The following AFF4 variants were observed in gnomAD, a reference collection of about 807,000 sequenced individuals.
AFF4 encodes the protein ALF transcription elongation factor 4, also known as AF4/FMR2 family member 4.
In AFF4, 13 loss-of-function variants were observed where a neutral mutation model predicts 124.8. That is an observed-to-expected ratio of 0.10 (90% CI 0.07 to 0.17). The LOEUF (loss-of-function observed/expected upper bound fraction) is 0.17. AFF4 is among the 10% of genes least tolerant of loss of function. The pLI is 1.00. For synonymous variants in AFF4, 477 were observed against 496.1 expected (o/e 0.96, Z 0.51); for missense variants, 1,092 against 1,403.8 (o/e 0.78, Z 3.55).
intron 2 of AFF4, among the ~76,000 whole-genome samples, chr5:132,935,142 T>A (rs1761395751): frequency 6.6e-6 from 1 of 151,918 alleles, no homozygotes. Context: ...GAAAAGTGCC[T>A]AAAAATAACC....
At chr5:132,888,946 T>A (rs1165187069) in intron 14 of AFF4, 133 bp downstream of exon 14, 4 of 738,524 alleles carry the variant, frequency 5.4e-6, no homozygotes, top group African/African-American at 3.5e-5. Flanking sequence ...TCTGCCTGCC[T>A]GGGCCTCCAA....
chr5:132,940,131 C>G (rs933375676), intron 1 of AFF4, among the ~76,000 whole-genome samples: 2 of 151,930 alleles, frequency 1.3e-5, no homozygotes, highest in African/African-American at 4.8e-5. Flanking sequence ...ACCTGGGAGG[C>G]GGAGGTTGCA....
At chr5:132,937,994 T>C (rs977347992) in intron 1 of AFF4, among the ~76,000 whole-genome samples, 2 of 152,142 alleles carry the variant, frequency 1.3e-5, no homozygotes, top group African/African-American at 4.8e-5. Context: ...GCAAGGATTT[T>C]GATTAAACAG....
At chr5:132,944,543 A>C (rs1320651146) in intron 1 of AFF4, among the ~76,000 whole-genome samples, 1 of 152,184 alleles carries the variant, frequency 6.6e-6, no homozygotes, top group Non-Finnish European at 1.5e-5. Context: ...GCTACTCAGG[A>C]AACTGAGGTC....
rs761907235 is a variant in AFF4, at chr5:132,898,248, G to C, written c.1371C>G (p.Ser457=). The C allele has an allele frequency of 1.1e-5, 18 of 1,614,006 alleles. No individual in the cohort carries two copies. In the Middle Eastern group the frequency reaches 4.9e-4, roughly 44 times the overall value. Residue 457 remains serine (S), a synonymous_variant, in exon 10 of 21, where the codon TCC becomes TCG. Coordinates refer to ENST00000265343, the MANE Select transcript of AFF4 (RefSeq NM_014423.4). The part of the protein sequence containing the change: ...SSSDSEANEP[S]QSASPEPEPP... ...GTCTCACCTCGGGAGATGCACTCTGGGATGGCTCATTTGCCTCACTGTCAC... is the reference window on the plus strand; with the variant it reads ...GTCTCACCTCGGGAGATGCACTCTGCGATGGCTCATTTGCCTCACTGTCAC...
Position 132,880,560 on chromosome 5 carries a change from C to T in AFF4, c.*499G>A. The T allele has an allele frequency of 2.6e-6, 1 of 388,410 alleles. No individual in the cohort carries two copies. Among genetic ancestry groups the T allele is most frequent in the Non-Finnish European group, 4.5e-6 (1 of 219,870 alleles). 24.1% of individuals were successfully genotyped at this position (388,410 alleles called of 1,614,324 possible). A position where few individuals can be genotyped will look rare whatever the true frequency, so the allele number is the denominator to read the frequency against. On this transcript the variant is annotated 3_prime_UTR_variant, in exon 21 of 21. Transcript: ENST00000265343. ...GGTAGCAGGTGTAGAAAGAATATGT[C>T]CTTATTTTAGACGAACCAATTCTTA...
At chr5:132,939,605 G>C (rs747208473) in intron 1 of AFF4, among the ~76,000 whole-genome samples, 4 of 152,164 alleles carry the variant, frequency 2.6e-5, no homozygotes, top group African/African-American at 9.7e-5. Flanking sequence ...TGAAAGATCT[G>C]CAACTTCTTT....
intron 7 of AFF4, 143 bp from the exon 8 acceptor site, chr5:132,899,784 T>C (rs1760503550): frequency 6.5e-6 from 4 of 614,618 alleles, no homozygotes; most frequent in South Asian, 2.5e-5. Flanking sequence ...GTAAGTCTTA[T>C]TCTATCTGGT....
intron 10 of AFF4, 125 bp from the exon 11 acceptor site, chr5:132,897,365 T>A: frequency 9.9e-7 from 1 of 1,006,132 alleles, no homozygotes; most frequent in Non-Finnish European, 1.5e-6. Flanking sequence ...AATGGTTCTC[T>A]ATGAACCAAA....
At chr5:132,952,651 T>C (rs1761872074) in intron 1 of AFF4, among the ~76,000 whole-genome samples, 1 of 152,226 alleles carries the variant, frequency 6.6e-6, no homozygotes, top group Admixed American at 6.5e-5. Flanking sequence ...CCCAGCATTT[T>C]GGGAGGCCAA....
Position 132,878,646 on chromosome 5 carries a change from T to A in AFF4, c.*2413A>T, listed in dbSNP as rs1178587191. 1 of 227,680 alleles carries A rather than the reference T, an allele frequency of 4.4e-6. No homozygotes were observed. The highest frequency in any genetic ancestry group is 8.7e-6 in the Non-Finnish European group (1 of 114,448). 14.1% of individuals were successfully genotyped at this position (227,680 alleles called of 1,614,324 possible). ...GATAGGATTTTGATCCATTGCCCATTACTACCTTGTGGGAAAAATCCTCCA... is the reference window on the plus strand; with the variant it reads ...GATAGGATTTTGATCCATTGCCCATAACTACCTTGTGGGAAAAATCCTCCA... On this transcript the variant is annotated 3_prime_UTR_variant, in exon 21 of 21. Coordinates refer to ENST00000265343, the MANE Select transcript of AFF4 (RefSeq NM_014423.4).
At chr5:132,881,777 C>T (rs191850187) in intron 20 of AFF4, among the ~76,000 whole-genome samples, 1 of 151,774 alleles carries the variant, frequency 6.6e-6, no homozygotes, top group Non-Finnish European at 1.5e-5. Context: ...ACCCTGGTCT[C>T]CTGGGTTCAA....
At chr5:132,917,751 C>T (rs372328000) in intron 5 of AFF4, among the ~76,000 whole-genome samples, 4 of 117,732 alleles carry the variant, frequency 3.4e-5, no homozygotes, top group Admixed American at 2.4e-4. Context: ...CTCACCTTGT[C>T]GCCCAGGCTG....
intron 7 of AFF4, among the ~76,000 whole-genome samples, chr5:132,900,192 C>G (rs966877532): frequency 8.5e-5 from 13 of 152,150 alleles, no homozygotes; most frequent in African/African-American, 3.1e-4. Flanking sequence ...AAAGTGCCCT[C>G]TGTAGAAATA....
chr5:132,888,328 C>T (rs1034320320), intron 14 of AFF4, among the ~76,000 whole-genome samples, 168 bp from the exon 15 acceptor site: 1 of 151,670 alleles, frequency 6.6e-6, no homozygotes, highest in Non-Finnish European at 1.5e-5. Flanking sequence ...AGGTTAAAAG[C>T]ATAAGTTGTT....
chr5:132,892,268 T>C lies in AFF4; in HGVS notation c.2533A>G (p.Ser845Gly), dbSNP rs575522427. 3.7e-6 allele frequency: 6 copies of C among 1,614,150 alleles called. No individual in the cohort carries two copies. In the African/African-American group the frequency reaches 6.7e-5, roughly 18 times the overall value. The change falls in exon 13 of 21, where the codon AGT becomes GGT. Residue 845 changes from serine to glycine, a missense_variant. Ser to Gly is a moderately conservative substitution (Grantham distance 56, BLOSUM62 0). Around this residue, in one of 11 missense-constraint regions of AFF4, gnomAD observed 293 missense variants for 280.2 expected, o/e 1.05. Coordinates refer to ENST00000265343, the MANE Select transcript of AFF4 (RefSeq NM_014423.4). ...ISQSSSLKSSSNSNKETSGSS... is the reference protein window; with the variant it reads ...ISQSSSLKSSGNSNKETSGSS... The stretch of plus-strand genomic sequence containing the variant: ...CCACTCGTCTCCTTGTTGCTGTTAC[T>C]GCTTGACTTTAAGGAAGAAGACTGA...
chr5:132,928,889 C>T (rs1761239947), intron 4 of AFF4, among the ~76,000 whole-genome samples: 1 of 152,010 alleles, frequency 6.6e-6, no homozygotes, highest in African/African-American at 2.4e-5. Context: ...CCTTAAAATG[C>T]TTTGATTTTT....
In AFF4 at chr5:132,896,354, T is replaced by G. The variant is rs943493002; in HGVS notation, c.2276A>C (p.Lys759Thr). The G allele has an allele frequency of 1.3e-6, 2 of 1,597,586 alleles. No homozygotes were observed. Among genetic ancestry groups the G allele is most frequent in the African/African-American group, 1.4e-5 (1 of 73,598 alleles). Residue 759 changes from lysine (K) to threonine (T), a missense_variant, in exon 11 of 21, where the codon AAA (lysine) becomes ACA (threonine). Around this residue, in one of 11 missense-constraint regions of AFF4, gnomAD observed 293 missense variants for 280.2 expected, o/e 1.05. Coordinates refer to ENST00000265343, the MANE Select transcript of AFF4 (RefSeq NM_014423.4). ...TREAQKQASE[K>T]VSNKGKRKHK... is the part of the protein sequence containing the mutation. ...CTTCCTCTTGCCTTTGTTGGAAACT[T>G]TTTCTGAGGCTTGTTTCTGAGCCTC...
In AFF4 at chr5:132,936,188, A is replaced by C. The variant is rs565485023; in HGVS notation, c.123+879T>G. Among the ~76,000 whole-genome samples, 11 of 136,374 alleles carry C rather than the reference A, an allele frequency of 8.1e-5. 1 individual carries two copies. The East Asian group carries it at 2.7e-3, about 34-fold the overall frequency. The allele number at this position is 136,374 out of a possible 152,430, so 89.5% of individuals were successfully genotyped here. On this transcript the variant is annotated intron_variant, in intron 2 of 20. Transcript: ENST00000265343. ...AGGCTTAGGCAGGAGAATGGCGTGA[A>C]CCCGGGAGGCGGAGCTTGCAGTGAG...
Sources: gnomAD v4.1 joint callset for allele counts (sites outside exome capture counted in the v4.1 genomes callset) on GRCh38, gnomAD v4.1.1 for gene constraint, gnomAD v4.1.1 regional missense constraint, MANE v1.5 for transcripts, NCBI Gene and HGNC (gene_info 2026-07-23, HGNC 2026-07-21) for gene names.